Variants in GPATCH11 observed in about 807,000 individuals in gnomAD.
GPATCH11 encodes G-patch domain containing 11, also known as G patch domain-containing protein 11.
Under a neutral mutation model 44.8 loss-of-function variants are expected in GPATCH11, and 32 were observed. The observed-to-expected ratio is 0.71, with a 90% CI of 0.54 to 0.96. GPATCH11 has a LOEUF of 0.96. Ranked by LOEUF, GPATCH11 falls within the 40% of genes least tolerant of loss-of-function variation. The pLI is 0.00. For missense variants in GPATCH11, 324 were observed against 303.1 expected, an observed-to-expected ratio of 1.07 and a Z score of -0.51; for synonymous variants, 84 against 94.4, an observed-to-expected ratio of 0.89 and a Z score of 0.64.
chr2:37,084,676 C>A, intron 1 of GPATCH11, 106 bp downstream of exon 1: 1 of 953,916 alleles, frequency 1.0e-6, no homozygotes, highest in Non-Finnish European at 1.4e-6. Context: ...CTTTTCCATC[C>A]GTGGGTGGTT....
intron 2 of GPATCH11, 98 bp from the exon 3 acceptor site, chr2:37,089,542 G>A (rs758504923): frequency 1.5e-5 from 13 of 886,048 alleles, no homozygotes; most frequent in Admixed American, 1.2e-4. Context: ...ATTACAGCCC[G>A]GGCAACAAGA....
intron 8 of GPATCH11, 91 bp downstream of exon 8, chr2:37,095,609 A>T: frequency 7.4e-7 from 1 of 1,344,258 alleles, no homozygotes; most frequent in Non-Finnish European, 9.7e-7. Flanking sequence ...GAAATTTCTT[A>T]TTCCATTCAA....
intron 7 of GPATCH11, 91 bp downstream of exon 7, chr2:37,094,286 T>C (rs1673469775): frequency 2.6e-6 from 2 of 766,458 alleles, no homozygotes; most frequent in Admixed American, 2.1e-5. Context: ...TGGAGAGCTG[T>C]CCTGTGCATT....
In GPATCH11 at chr2:37,094,238, G is replaced by A. The variant is rs529209550; in HGVS notation, c.654+43G>A. 7 of 1,176,898 alleles carry A rather than the reference G, an allele frequency of 5.9e-6. No individual in the cohort carries two copies. The South Asian group carries it at 9.2e-5, about 15-fold the overall frequency. The allele number at this position is 1,176,898 out of a possible 1,614,324, so 72.9% of individuals were successfully genotyped here. A position where few individuals can be genotyped will look rare whatever the true frequency, so the allele number is the denominator to read the frequency against. On this transcript the variant is annotated intron_variant, in intron 7 of 8. Coordinates refer to ENST00000674370, the MANE Select transcript of GPATCH11 (RefSeq NM_174931.4). ...TCCTTCATAGGGTGTCTCAGCCTTGGCAACATTAGCACTTTGAGTTGTGGT... is the reference window on the plus strand; with the variant it reads ...TCCTTCATAGGGTGTCTCAGCCTTGACAACATTAGCACTTTGAGTTGTGGT...
At position 37,094,713 on chromosome 2, in the gene GPATCH11, T is replaced by C. The variant is rs564230362; in HGVS notation, c.654+518T>C. Among the ~76,000 whole-genome samples the C allele has an allele frequency of 5.3e-5, 8 of 152,218 alleles. No homozygotes were observed. The East Asian group carries it at 1.5e-3, about 29-fold the overall frequency. ...TCCAAACACTTTGGGAGACCAAAACTGGTGGATCACTTGAGGTCAGGAGTT... is the reference window on the plus strand; with the variant it reads ...TCCAAACACTTTGGGAGACCAAAACCGGTGGATCACTTGAGGTCAGGAGTT... On this transcript the variant is annotated intron_variant, in intron 7 of 8. Coordinates refer to ENST00000674370, the MANE Select transcript of GPATCH11 (RefSeq NM_174931.4).
chr2:37,088,395 T>C lies in GPATCH11; in HGVS notation c.14T>C (p.Met5Thr). 2 of 1,571,878 alleles carry C rather than the reference T, an allele frequency of 1.3e-6. No individual in the cohort carries two copies. The highest frequency in any genetic ancestry group is 1.7e-6 in the Non-Finnish European group (2 of 1,149,060). Residue 5 changes from methionine to threonine, a missense_variant, in exon 2 of 9, where the codon ATG becomes ACG. Met to Thr is a moderately conservative substitution (Grantham distance 81, BLOSUM62 -1). Transcript: ENST00000674370. Reference protein sequence around the residue: MKLNMAEEEDYMSDS... With the variant: MKLNTAEEEDYMSDS... ...TACTATAGCCATATGAAGTTGAACA[T>C]GGCAGAAGAAGAGGACTATATGTCT...
At position 37,094,205 on chromosome 2, in the gene GPATCH11, G is replaced by A; in HGVS notation, c.654+10G>A. ...GAGTGAAGATTTAAGCGTATGCTTT[G>A]CACCATTTCCTTCATAGGGTGTCTC... On this transcript the variant is annotated intron_variant, in intron 7 of 8. Transcript: ENST00000674370. The A allele has an allele frequency of 6.7e-7, 1 of 1,484,812 alleles. No individual in the cohort carries two copies. Among genetic ancestry groups the A allele is most frequent in the East Asian group, 2.5e-5 (1 of 40,656 alleles). 92.0% of individuals were successfully genotyped at this position (1,484,812 alleles called of 1,614,324 possible).
At position 37,091,935 on chromosome 2, in the gene GPATCH11, T is replaced by C. The variant is rs201830084; in HGVS notation, c.348T>C (p.His116=). The change falls in exon 5 of 9, where the codon CAT becomes CAC. Residue 116 remains histidine, a synonymous_variant. Coordinates refer to ENST00000674370, the MANE Select transcript of GPATCH11 (RefSeq NM_174931.4). ...NIKTGKSGIG[H]EASLKRKAEE... Reference sequence around the variant, plus strand: ...GAATAGGGAAAAGTGGCATTGGTCATGAGGCATCATTAAAACGGAAAGCAG... The same window carrying C: ...GAATAGGGAAAAGTGGCATTGGTCACGAGGCATCATTAAAACGGAAAGCAG... 1.2e-6 allele frequency: 2 copies of C among 1,612,486 alleles called. No homozygotes were observed. The highest frequency in any genetic ancestry group is 3.3e-5 in the Admixed American group (2 of 59,944).
chr2:37,091,479 G>A (rs1248652361), intron 4 of GPATCH11, among the ~76,000 whole-genome samples: 8 of 152,034 alleles, frequency 5.3e-5, no homozygotes. Flanking sequence ...ACGATTCCTG[G>A]AGCCCACAAG....
intron 4 of GPATCH11, among the ~76,000 whole-genome samples, chr2:37,091,329 A>G (rs1673308573): frequency 7.4e-6 from 1 of 135,420 alleles, no homozygotes; most frequent in South Asian, 2.2e-4. Context: ...CATCTCAAGG[A>G]AAAAAAAAAA....
intron 7 of GPATCH11, 59 bp downstream of exon 7, chr2:37,094,254 G>T: frequency 9.7e-7 from 1 of 1,027,334 alleles, no homozygotes. Flanking sequence ...TTAGCACTTT[G>T]AGTTGTGGTA....
intron 1 of GPATCH11, among the ~76,000 whole-genome samples, chr2:37,087,266 C>T (rs1165483796): frequency 1.3e-5 from 2 of 152,192 alleles, no homozygotes; most frequent in East Asian, 1.9e-4. Flanking sequence ...TGCCACCCTC[C>T]ACTAAAACCA....
At chr2:37,093,928 T>C (rs1001682558) in intron 6 of GPATCH11, among the ~76,000 whole-genome samples, 154 bp from the exon 7 acceptor site, 1 of 152,228 alleles carries the variant, frequency 6.6e-6, no homozygotes, top group Non-Finnish European at 1.5e-5. Flanking sequence ...GTGCTGGGAT[T>C]GCAGGCGTGA....
Position 37,094,778 on chromosome 2 carries a change from C to G in GPATCH11, c.654+583C>G, listed in dbSNP as rs775545156. On this transcript the variant is annotated intron_variant, in intron 7 of 8. Transcript: ENST00000674370. ...CCAACATGGTAGTGTATTTTAGTCT[C>G]TACTAAAAATACAAAAATTAGCCAG... Among the ~76,000 whole-genome samples the G allele has an allele frequency of 5.9e-5, 9 of 151,992 alleles. 1 individual carries two copies. Among genetic ancestry groups the G allele is most frequent in the Admixed American group, 5.2e-4 (8 of 15,250 alleles).
chr2:37,084,675 C>A (rs1428111367), intron 1 of GPATCH11, 105 bp downstream of exon 1: 1 of 961,372 alleles, frequency 1.0e-6, no homozygotes, highest in Non-Finnish European at 1.4e-6. Flanking sequence ...ACTTTTCCAT[C>A]CGTGGGTGGT....
chr2:37,093,019 A>G (rs1201788384), intron 6 of GPATCH11, among the ~76,000 whole-genome samples: 1 of 152,064 alleles, frequency 6.6e-6, no homozygotes, highest in African/African-American at 2.4e-5. Context: ...GGTGGCACAC[A>G]CCTGTAGTCC....
intron 1 of GPATCH11, among the ~76,000 whole-genome samples, chr2:37,087,055 G>A (rs1050248575): frequency 1.1e-4 from 16 of 152,114 alleles, no homozygotes; most frequent in African/African-American, 3.9e-4. Context: ...CCAAGAAGAT[G>A]GCCATCCACA....
In GPATCH11 at chr2:37,089,704, A is replaced by G; in HGVS notation, c.124A>G (p.Lys42Glu). 6.4e-7 allele frequency: 1 copy of G among 1,551,888 alleles called. No homozygotes were observed. The highest frequency in any genetic ancestry group is 8.7e-7 in the Non-Finnish European group (1 of 1,147,040). ...CCGAGAAGCCCGTCGAAAAGAAGAAAAGCAACAGGAAGCCAATTTGAAAAA... is the reference window on the plus strand; with the variant it reads ...CCGAGAAGCCCGTCGAAAAGAAGAAGAGCAACAGGAAGCCAATTTGAAAAA... ...QIREARRKEE[K>E]QQEANLKNRQ... The change falls in exon 3 of 9, where the codon AAG (lysine) becomes GAG (glutamate). Residue 42 changes from lysine to glutamate, a missense_variant. Transcript: ENST00000674370.
At chr2:37,089,529 T>C (rs1673205207) in intron 2 of GPATCH11, 111 bp from the exon 3 acceptor site, 1 of 778,086 alleles carries the variant, frequency 1.3e-6, no homozygotes, top group African/African-American at 1.8e-5. Flanking sequence ...ATTATGCCAT[T>C]GCATTACAGC....
Sources: allele counts gnomAD v4.1 joint callset (sites outside exome capture counted in the v4.1 genomes callset), GRCh38; gene constraint gnomAD v4.1.1; transcripts MANE v1.5; gene names NCBI Gene and HGNC (gene_info 2026-07-23, HGNC 2026-07-21).